Variants in ERBB4 observed in about 807,000 individuals in gnomAD.
ERBB4 encodes receptor tyrosine-protein kinase erbB-4.
A neutral mutation model predicts 158.0 loss-of-function variants in ERBB4; 42 were observed. The ratio of observed to expected loss-of-function variants is 0.27; its 90% CI spans 0.21 to 0.34. ERBB4 has a LOEUF of 0.34. Among genes scored for constraint, ERBB4 ranks in the 10% least tolerant of loss-of-function variants. The probability of loss-of-function intolerance (pLI) is 1.00; values close to 1 mark genes in which losing one functional copy is unlikely to be tolerated. For missense variants in ERBB4, 1,333 were observed against 1,624.1 expected (o/e 0.82, Z 3.08); for synonymous variants, 583 against 558.7 (o/e 1.04, Z -0.61).
At chr2:211,523,045 G>T (rs2066230705) in intron 20 of ERBB4, among the ~76,000 whole-genome samples, 1 of 150,696 alleles carries the variant, frequency 6.6e-6, no homozygotes, top group Non-Finnish European at 1.5e-5. Context: ...ATACATTTTA[G>T]AAAGGCAAGA....
chr2:211,745,512 T>G (rs1030083542), intron 5 of ERBB4, among the ~76,000 whole-genome samples: 2 of 152,126 alleles, frequency 1.3e-5, no homozygotes, highest in Admixed American at 6.5e-5. Flanking sequence ...GTCAGTAGAC[T>G]TCACAAGGTG....
intron 25 of ERBB4, among the ~76,000 whole-genome samples, chr2:211,398,862 A>C (rs2062976013): frequency 6.6e-6 from 1 of 152,114 alleles, no homozygotes; most frequent in East Asian, 1.9e-4. Context: ...TGCAAGACCT[A>C]CTGTTGCCCT....
At chr2:211,527,835 C>A (rs912819232) in intron 20 of ERBB4, among the ~76,000 whole-genome samples, 1 of 151,540 alleles carries the variant, frequency 6.6e-6, no homozygotes, top group African/African-American at 2.4e-5. Flanking sequence ...TTCATGGTAA[C>A]CTCAAATTTT....
intron 1 of ERBB4, among the ~76,000 whole-genome samples, chr2:212,127,517 G>A (rs918028019): frequency 3.3e-5 from 5 of 152,130 alleles, no homozygotes; most frequent in African/African-American, 7.2e-5. Context: ...GCATGAACCC[G>A]GGAGGTGGAG....
intron 2 of ERBB4, among the ~76,000 whole-genome samples, chr2:212,118,088 G>A (rs1237859279): frequency 6.6e-6 from 1 of 152,162 alleles, no homozygotes; most frequent in African/African-American, 2.4e-5. Context: ...ATGGAAAACA[G>A]ACACAAACAT....
intron 1 of ERBB4, among the ~76,000 whole-genome samples, chr2:212,219,854 A>T (rs961949915): frequency 2.6e-5 from 4 of 151,220 alleles, no homozygotes; most frequent in African/African-American, 9.7e-5. Flanking sequence ...CAATGAAAAC[A>T]ACCTTTTATT....
chr2:212,147,822 C>T (rs922364376), intron 1 of ERBB4, among the ~76,000 whole-genome samples: 7 of 152,142 alleles, frequency 4.6e-5, no homozygotes, highest in Non-Finnish European at 1.0e-4. Context: ...AACTGGCTTT[C>T]TAAACTGAGG....
intron 7 of ERBB4, among the ~76,000 whole-genome samples, chr2:211,716,190 C>G (rs2073892014): frequency 6.6e-6 from 1 of 151,134 alleles, no homozygotes; most frequent in Non-Finnish European, 1.5e-5. Context: ...TGGAGAAACC[C>G]TGTCTCTACT....
At chr2:212,056,768 C>A (rs2077587100) in intron 2 of ERBB4, among the ~76,000 whole-genome samples, 1 of 152,130 alleles carries the variant, frequency 6.6e-6, no homozygotes, top group African/African-American at 2.4e-5. Context: ...TACAGGAGCT[C>A]TTGAAGGAAG....
At chr2:211,659,452 C>T (rs1021532648) in intron 15 of ERBB4, among the ~76,000 whole-genome samples, 1 of 151,992 alleles carries the variant, frequency 6.6e-6, no homozygotes, top group Non-Finnish European at 1.5e-5. Flanking sequence ...ATATAGTTTT[C>T]TTTTCATTAT....
intron 24 of ERBB4, among the ~76,000 whole-genome samples, chr2:211,421,635 G>A (rs1265473079): frequency 6.6e-6 from 1 of 151,728 alleles, no homozygotes; most frequent in Non-Finnish European, 1.5e-5. Flanking sequence ...GCATGGGCAA[G>A]ATTAAAACAA....
intron 3 of ERBB4, among the ~76,000 whole-genome samples, chr2:211,791,715 A>G (rs1319740986): frequency 6.6e-6 from 1 of 151,808 alleles, no homozygotes; most frequent in African/African-American, 2.4e-5. Flanking sequence ...ACAAAACAGA[A>G]CTGTCTCTTT....
At chr2:212,054,954 C>A (rs556192502) in intron 2 of ERBB4, among the ~76,000 whole-genome samples, 61 of 152,194 alleles carry the variant, frequency 4.0e-4, no homozygotes, top group African/African-American at 1.4e-3. Context: ...ACAGTGGGGG[C>A]AGGACAGTGG....
chr2:212,077,117 A>G (rs1406412201), intron 2 of ERBB4, among the ~76,000 whole-genome samples: 2 of 152,072 alleles, frequency 1.3e-5, no homozygotes, highest in Non-Finnish European at 2.9e-5. Context: ...TATACTATGT[A>G]AAACTAAAAT....
chr2:211,944,151 C>CTATATACACTA (rs2080590094), intron 3 of ERBB4, among the ~76,000 whole-genome samples: 1 of 83,394 alleles, frequency 1.2e-5, no homozygotes, highest in Non-Finnish European at 2.7e-5. Context: ...TACATATACA[C>CTATATACACTA]TATATATATA....
intron 20 of ERBB4, among the ~76,000 whole-genome samples, chr2:211,508,748 G>A (rs12996135): frequency 0.37 from 56,498 of 151,704 alleles, 10,841 homozygotes; most frequent in African/African-American, 0.46. Context: ...AAGACTTGGA[G>A]CCAACCCAAA....
intron 3 of ERBB4, among the ~76,000 whole-genome samples, chr2:211,881,822 T>C (rs1020921842): frequency 1.2e-4 from 19 of 152,140 alleles, no homozygotes; most frequent in African/African-American, 4.6e-4. Flanking sequence ...GCTCACTCTT[T>C]GTGTGTCTGC....
At chr2:211,648,600 T>C (rs142898232) in intron 16 of ERBB4, among the ~76,000 whole-genome samples, 43 of 151,904 alleles carry the variant, frequency 2.8e-4, no homozygotes, top group Non-Finnish European at 5.6e-4. Context: ...ACAAATAAAA[T>C]ATGGTATGTT....
chr2:211,727,276 C>G (rs2074298203), intron 5 of ERBB4, among the ~76,000 whole-genome samples: 1 of 152,112 alleles, frequency 6.6e-6, no homozygotes, highest in East Asian at 1.9e-4. Flanking sequence ...AAGTGCTTTA[C>G]ATGGTCCCTA....
Sources: gnomAD v4.1 joint callset for allele counts (sites outside exome capture counted in the v4.1 genomes callset) on GRCh38, gnomAD v4.1.1 for gene constraint, MANE v1.5 for transcripts, NCBI Gene and HGNC (gene_info 2026-07-23, HGNC 2026-07-21) for gene names.